Variants in DNAH11 observed in about 807,000 individuals in gnomAD.
DNAH11 encodes the protein axonemal beta dynein heavy chain 11.
A neutral mutation model predicts 526.0 loss-of-function variants in DNAH11; 442 were observed. The ratio of observed to expected loss-of-function variants is 0.84; its 90% CI spans 0.78 to 0.91. The LOEUF is 0.91. DNAH11 is among the 40% of genes least tolerant of loss of function. The pLI, the probability that DNAH11 is intolerant of heterozygous loss-of-function variation, is 0.00. For synonymous variants in DNAH11, 2,461 were observed against 1,935.9 expected, an observed-to-expected ratio of 1.27 and a Z score of -7.12; for missense variants, 6,989 against 5,448.7, an observed-to-expected ratio of 1.28 and a Z score of -8.90.
At chr7:21,854,189 T>C (rs913479291) in intron 67 of DNAH11, 126 bp from the exon 68 acceptor site, 10 of 914,448 alleles carry the variant, frequency 1.1e-5, no homozygotes, top group South Asian at 3.7e-5. Context: ...AGCACATGGA[T>C]GCCATGCATG....
intron 66 of DNAH11, among the ~76,000 whole-genome samples, chr7:21,851,961 C>G (rs920980575): frequency 6.6e-6 from 1 of 152,146 alleles, no homozygotes; most frequent in Admixed American, 6.5e-5. Flanking sequence ...CGTTTATACT[C>G]TGCACCCTGG....
intron 56 of DNAH11, among the ~76,000 whole-genome samples, chr7:21,778,000 T>TTA (rs1427205428): frequency 1.3e-5 from 2 of 152,300 alleles, no homozygotes; most frequent in Admixed American, 6.5e-5. Context: ...ATGGTAATAT[T>TTA]TATACTTTTG....
At chr7:21,836,242 T>C (rs1261676783) in intron 65 of DNAH11, among the ~76,000 whole-genome samples, 1 of 151,964 alleles carries the variant, frequency 6.6e-6, no homozygotes, top group African/African-American at 2.4e-5. Flanking sequence ...CAGAAATAGA[T>C]AAAACCATCC....
chr7:21,822,744 A>G (rs1220071381), intron 65 of DNAH11, among the ~76,000 whole-genome samples: 3 of 152,148 alleles, frequency 2.0e-5, no homozygotes, highest in South Asian at 2.1e-4. Flanking sequence ...AACAATGTAC[A>G]GGTGTTCCCC....
intron 43 of DNAH11, among the ~76,000 whole-genome samples, chr7:21,719,781 T>C (rs377502596): frequency 6.6e-6 from 1 of 152,210 alleles, no homozygotes; most frequent in East Asian, 1.9e-4. Flanking sequence ...GCTGACCTGA[T>C]CTGTGATCGC....
intron 68 of DNAH11, among the ~76,000 whole-genome samples, chr7:21,857,517 T>A (rs1414037500): frequency 7.4e-6 from 1 of 134,618 alleles, no homozygotes; most frequent in African/African-American, 2.6e-5. Context: ...TTAAAATAGC[T>A]AAACAATTTT....
chr7:21,722,623 C>G (rs1784922816), intron 44 of DNAH11, among the ~76,000 whole-genome samples: 1 of 152,108 alleles, frequency 6.6e-6, no homozygotes, highest in African/African-American at 2.4e-5. Context: ...TTATTTCAGC[C>G]ATTCTCAGAA....
intron 25 of DNAH11, among the ~76,000 whole-genome samples, chr7:21,632,975 G>A (rs774152962): frequency 9.2e-5 from 14 of 152,212 alleles, no homozygotes; most frequent in Non-Finnish European, 1.9e-4. Context: ...ACAGTTCCAT[G>A]TGGCTGGGGA....
chr7:21,604,936 T>A (rs1785226483), intron 18 of DNAH11, among the ~76,000 whole-genome samples: 1 of 152,156 alleles, frequency 6.6e-6, no homozygotes, highest in Admixed American at 6.5e-5. Flanking sequence ...CAAAGGGGTT[T>A]AAAGCCCAGG....
chr7:21,724,769 T>TGTTGG (rs1785020831), intron 44 of DNAH11, among the ~76,000 whole-genome samples: 1 of 151,036 alleles, frequency 6.6e-6, no homozygotes. Flanking sequence ...ATCCTATGAA[T>TGTTGG]ATAGGAGTCA....
At chr7:21,715,689 G>C (rs944492108) in intron 42 of DNAH11, among the ~76,000 whole-genome samples, 3 of 152,038 alleles carry the variant, frequency 2.0e-5, no homozygotes, top group African/African-American at 4.8e-5. Context: ...GAAGGTAACA[G>C]TTTCTCCTTC....
Position 21,849,979 on chromosome 7 carries a change from CT to C in DNAH11, c.10897-2477del, listed in dbSNP as rs567350027. ...TATTCTTTCCTTTTTAATTTTTATTCTTTTTTTTTTTCAAGTATCTAATGAC... is the reference window on the plus strand; with the variant it reads ...TATTCTTTCCTTTTTAATTTTTATTCTTTTTTTTTTCAAGTATCTAATGAC... On this transcript the variant is annotated intron_variant, in intron 66 of 81. Transcript: ENST00000409508. Among the ~76,000 whole-genome samples, 471 of 142,568 alleles carry C rather than the reference CT, an allele frequency of 3.3e-3. 3 individuals carry two copies. The highest frequency in any genetic ancestry group is 9.8e-3 in the African/African-American group (380 of 38,964). 93.5% of individuals were successfully genotyped at this position (142,568 alleles called of 152,430 possible).
chr7:21,738,630 A>G (rs1232734629), intron 46 of DNAH11, 71 bp from the exon 47 acceptor site: 3 of 1,445,974 alleles, frequency 2.1e-6, no homozygotes, highest in Admixed American at 2.5e-5. Flanking sequence ...GAAGTTAAGA[A>G]CAAGAGAAAA....
At chr7:21,880,059 T>TG (rs1783857189) in intron 74 of DNAH11, among the ~76,000 whole-genome samples, 1 of 134,910 alleles carries the variant, frequency 7.4e-6, no homozygotes, top group Admixed American at 8.3e-5. Flanking sequence ...CACTGCAGCC[T>TG]GGGTGACAGA....
intron 51 of DNAH11, among the ~76,000 whole-genome samples, chr7:21,745,534 C>T (rs1048309552): frequency 1.3e-5 from 2 of 152,160 alleles, no homozygotes; most frequent in African/African-American, 2.4e-5. Context: ...TCGCTCACCT[C>T]CTAGACCTGG....
At chr7:21,755,466 C>A (rs1176244166) in intron 54 of DNAH11, among the ~76,000 whole-genome samples, 1 of 152,074 alleles carries the variant, frequency 6.6e-6, no homozygotes, top group Non-Finnish European at 1.5e-5. Context: ...CCCCTGATTC[C>A]ATCCCAAGAT....
rs1784709455 is a variant in DNAH11, at chr7:21,900,126, A to G, written c.13303+6A>G. 6.2e-7 allele frequency: 1 copy of G among 1,609,254 alleles called. No homozygotes were observed. On this transcript the variant is annotated splice_donor_region_variant and intron_variant, in intron 81 of 81. Coordinates refer to ENST00000409508, the MANE Select transcript of DNAH11 (RefSeq NM_001277115.2). ...CCACGGACTCTTCATGGAGGGTAAG[A>G]CACCCCAAGGGGTAAGTGGGGAACC...
intron 8 of DNAH11, 67 bp downstream of exon 8, chr7:21,572,040 G>T (rs1212805494): frequency 1.5e-6 from 2 of 1,338,462 alleles, no homozygotes; most frequent in East Asian, 2.6e-5. Flanking sequence ...AAGGAAGATA[G>T]GTCACAGTGA....
intron 69 of DNAH11, 71 bp downstream of exon 69, chr7:21,862,094 T>C: frequency 7.1e-7 from 1 of 1,404,860 alleles, no homozygotes; most frequent in South Asian, 1.5e-5. Flanking sequence ...TTATATATTT[T>C]ATTTCTGCTG....
Sources: gnomAD v4.1 joint callset for allele counts (sites outside exome capture counted in the v4.1 genomes callset) on GRCh38, gnomAD v4.1.1 for gene constraint, MANE v1.5 for transcripts, NCBI Gene and HGNC (gene_info 2026-07-23, HGNC 2026-07-21) for gene names.